The following PCDH15 variants were observed in gnomAD, a reference collection of about 807,000 sequenced individuals.
The protein encoded by PCDH15 is protocadherin related 15.
A neutral mutation model predicts 178.5 loss-of-function variants in PCDH15; 129 were observed. The observed-to-expected ratio is 0.72, with a 90% CI of 0.63 to 0.84. The LOEUF is 0.84. PCDH15 is among the 40% of genes least tolerant of loss of function. The pLI is 0.00. For missense variants in PCDH15, 2,230 were observed against 2,099.9 expected (o/e 1.06, Z -1.21); for synonymous variants, 800 against 732.0 (o/e 1.09, Z -1.50).
At chr10:55,310,326 TC>T (rs1475323266) in intron 1 of PCDH15, among the ~76,000 whole-genome samples, 3 of 152,214 alleles carry the variant, frequency 2.0e-5, no homozygotes, top group Non-Finnish European at 4.4e-5. Context: ...ATTATTCTAT[TC>T]TTTTATAAAT....
chr10:54,079,454 C>A, intron 16 of PCDH15, 30 bp from the exon 17 acceptor site: 1 of 1,580,514 alleles, frequency 6.3e-7, no homozygotes, highest in Non-Finnish European at 8.7e-7. Flanking sequence ...ACAAATAAGA[C>A]AAAAAGAGAT....
chr10:54,308,522 A>C (rs114950608), intron 8 of PCDH15, among the ~76,000 whole-genome samples: 89 of 152,172 alleles, frequency 5.8e-4, no homozygotes, highest in African/African-American at 2.1e-3. Flanking sequence ...CACATTATCT[A>C]TAATTGGTGC....
intron 1 of PCDH15, among the ~76,000 whole-genome samples, chr10:55,199,201 G>A (rs144504600): frequency 1.9e-3 from 282 of 152,220 alleles, no homozygotes; most frequent in Non-Finnish European, 3.3e-3. Context: ...AATGCTGATA[G>A]TGATATGGAC....
intron 21 of PCDH15, among the ~76,000 whole-genome samples, chr10:53,970,115 A>G (rs1395863489): frequency 2.6e-5 from 4 of 152,128 alleles, no homozygotes; most frequent in South Asian, 2.1e-4. Context: ...CAAGAGACCT[A>G]TCTTATGTGC....
At chr10:54,910,043 C>G (rs1954792618) in intron 2 of PCDH15, among the ~76,000 whole-genome samples, 2 of 152,110 alleles carry the variant, frequency 1.3e-5, no homozygotes, top group Admixed American at 1.3e-4. Flanking sequence ...TGGCAAAGAC[C>G]CCAGGCCTGG....
At position 54,643,254 on chromosome 10, in the gene PCDH15, T is replaced by G. The variant is rs529736178; in HGVS notation, c.91+20918A>C. 1.1e-3 allele frequency among the ~76,000 whole-genome samples: 162 copies of G among 152,296 alleles called. 1 individual carries two copies. The highest frequency in any genetic ancestry group is 2.3e-3 in the South Asian group (11 of 4,828). On this transcript the variant is annotated intron_variant, in intron 2 of 37. Transcript: ENST00000644397. ...AGTTTGATGAACCTACTCTGACATA[T>G]GTTTTTTCATTTATTTTAGAAGAGT...
chr10:55,436,323 C>T (rs1839039369), intron 2 of PCDH15, among the ~76,000 whole-genome samples: 1 of 151,608 alleles, frequency 6.6e-6, no homozygotes, highest in African/African-American at 2.4e-5. Flanking sequence ...CATATCAGTG[C>T]CTTTAAAATT....
intron 1 of PCDH15, among the ~76,000 whole-genome samples, chr10:54,694,604 C>G (rs1389608406): frequency 6.6e-6 from 1 of 151,914 alleles, no homozygotes; most frequent in Admixed American, 6.6e-5. Flanking sequence ...ATATTTCAAA[C>G]TTTATTATTA....
chr10:54,343,990 C>T (rs1438682484), intron 6 of PCDH15, among the ~76,000 whole-genome samples: 1 of 151,940 alleles, frequency 6.6e-6, no homozygotes, highest in Non-Finnish European at 1.5e-5. Flanking sequence ...CACTATGGTG[C>T]TATTAATGTA....
intron 2 of PCDH15, among the ~76,000 whole-genome samples, chr10:54,578,882 A>G (rs947435750): frequency 1.3e-5 from 2 of 152,148 alleles, no homozygotes; most frequent in African/African-American, 4.8e-5. Flanking sequence ...TAATAATTTC[A>G]TATTCCTCCA....
intron 2 of PCDH15, among the ~76,000 whole-genome samples, chr10:55,121,623 T>C (rs895365115): frequency 6.6e-6 from 1 of 152,060 alleles, no homozygotes; most frequent in African/African-American, 2.4e-5. Flanking sequence ...TATTAAGAGG[T>C]GGGGACTTCA....
chr10:54,697,088 G>A (rs546286149), intron 1 of PCDH15, among the ~76,000 whole-genome samples: 2 of 152,050 alleles, frequency 1.3e-5, no homozygotes, highest in African/African-American at 4.8e-5. Context: ...GCCAATTTTT[G>A]AAGATATTAT....
chr10:55,449,302 T>G (rs749654635), intron 2 of PCDH15, among the ~76,000 whole-genome samples: 4 of 152,056 alleles, frequency 2.6e-5, no homozygotes, highest in Non-Finnish European at 5.9e-5. Context: ...TTTTTACTAT[T>G]TTGTACAATG....
intron 2 of PCDH15, among the ~76,000 whole-genome samples, chr10:55,337,867 A>G (rs900783384): frequency 2.6e-5 from 4 of 152,172 alleles, no homozygotes; most frequent in African/African-American, 9.6e-5. Context: ...AACGAAATAT[A>G]GAGACAATTC....
intron 1 of PCDH15, among the ~76,000 whole-genome samples, chr10:54,698,727 T>C (rs1015375555): frequency 8.5e-5 from 13 of 152,156 alleles, no homozygotes; most frequent in African/African-American, 2.9e-4. Context: ...TTAGAGGTCA[T>C]AGATAAATGT....
chr10:54,104,643 C>T (rs1377532316), intron 15 of PCDH15, among the ~76,000 whole-genome samples: 2 of 150,078 alleles, frequency 1.3e-5, no homozygotes, highest in Non-Finnish European at 3.0e-5. Context: ...CGAGACCATC[C>T]TGGTTGATAC....
chr10:54,669,864 C>A (rs1252876087), intron 1 of PCDH15, among the ~76,000 whole-genome samples: 1 of 150,778 alleles, frequency 6.6e-6, no homozygotes, highest in African/African-American at 2.5e-5. Context: ...ACCAGCCTGG[C>A]AAACTTGGTG....
chr10:55,587,757 T>G (rs2132127699), intron 2 of PCDH15, among the ~76,000 whole-genome samples: 1 of 152,348 alleles, frequency 6.6e-6, no homozygotes, highest in South Asian at 2.1e-4. Flanking sequence ...TTGAAATTTT[T>G]TACACTATTT....
intron 3 of PCDH15, among the ~76,000 whole-genome samples, chr10:54,503,157 T>C (rs2080855528): frequency 6.6e-6 from 1 of 150,718 alleles, no homozygotes; most frequent in African/African-American, 2.4e-5. Flanking sequence ...TTGGAAGACA[T>C]TGATGGTTTC....
Sources: allele counts gnomAD v4.1 joint callset (sites outside exome capture counted in the v4.1 genomes callset), GRCh38; gene constraint gnomAD v4.1.1; transcripts MANE v1.5; gene names NCBI Gene and HGNC (gene_info 2026-07-23, HGNC 2026-07-21).